Variants in IFT122 observed in about 807,000 individuals in gnomAD.
IFT122 encodes the protein intraflagellar transport protein 122 homolog.
Under a neutral mutation model 161.6 loss-of-function variants are expected in IFT122, and 118 were observed. The ratio of observed to expected loss-of-function variants is 0.73; its 90% confidence interval spans 0.63 to 0.85. The LOEUF (loss-of-function observed/expected upper bound fraction) is 0.85, where lower values mean the gene tolerates loss of function less well. Ranked by LOEUF, IFT122 falls within the 40% of genes least tolerant of loss-of-function variation. The pLI is 0.00. For missense variants in IFT122, 1,381 were observed against 1,579.6 expected, an observed-to-expected ratio of 0.87 and a Z score of 2.13; for synonymous variants, 550 against 602.4, an observed-to-expected ratio of 0.91 and a Z score of 1.27.
At chr3:129,519,791 AATGT>A in intron 29 of IFT122, 59 bp downstream of exon 29, 1 of 1,600,146 alleles carries the variant, frequency 6.2e-7, no homozygotes, top group South Asian at 1.1e-5. Context: ...CCCTTGCCCA[AATGT>A]CCCTCTGGGA....
At chr3:129,512,473 A>G in intron 24 of IFT122, 61 bp downstream of exon 24, 1 of 1,198,854 alleles carries the variant, frequency 8.3e-7, no homozygotes, top group South Asian at 1.2e-5. Flanking sequence ...GCCCCAAGAA[A>G]TTCCTTCCAG....
intron 23 of IFT122, among the ~76,000 whole-genome samples, chr3:129,508,621 C>T (rs536292111): frequency 1.3e-5 from 2 of 152,314 alleles, no homozygotes; most frequent in African/African-American, 2.4e-5. Context: ...TTATGATCAA[C>T]ACATTTTTGC....
intron 26 of IFT122, among the ~76,000 whole-genome samples, chr3:129,515,982 A>G (rs945631475): frequency 1.3e-5 from 2 of 152,058 alleles, no homozygotes; most frequent in African/African-American, 4.8e-5. Flanking sequence ...CAGAGGCCAC[A>G]CACACACACA....
chr3:129,453,372 G>A lies in IFT122; in HGVS notation c.193+1374G>A, dbSNP rs116262080. Among the ~76,000 whole-genome samples, 1,066 of 152,178 alleles carry A rather than the reference G, an allele frequency of 7.0e-3. 4 individuals are homozygous for A. The highest frequency in any genetic ancestry group is 0.014 in the Middle Eastern group (4 of 294). ...GGTTTCAGAGAGTTGAAGAGAAAGG[G>A]AAAAAGTGTAAAGTCACTGCCTCAG... On this transcript the variant is annotated intron_variant, in intron 3 of 29. Transcript: ENST00000348417.
In IFT122 at chr3:129,500,002, T is replaced by A. The variant is rs138715299; in HGVS notation, c.2309T>A (p.Met770Lys). 2.5e-6 allele frequency: 4 copies of A among 1,614,064 alleles called. No individual in the cohort carries two copies. Among genetic ancestry groups the A allele is most frequent in the Non-Finnish European group, 3.4e-6 (4 of 1,180,046 alleles). The part of the protein sequence containing the change: ...NIKEPKAAVE[M>K]YISAGEHVKA... ...AAGGAGCCCAAAGCCGCCGTGGAGA[T>A]GTACATCTCAGCAGGAGAGCACGTC... The change falls in exon 19 of 30, where the codon ATG becomes AAG. Residue 770 changes from methionine (M) to lysine (K), a missense_variant. Around this residue, in one of 7 missense-constraint regions of IFT122, gnomAD observed 496 missense variants for 502.5 expected, o/e 0.99. Transcript: ENST00000348417.
At chr3:129,478,663 G>A (rs1446912047) in intron 12 of IFT122, among the ~76,000 whole-genome samples, 3 of 152,112 alleles carry the variant, frequency 2.0e-5, no homozygotes, top group Non-Finnish European at 4.4e-5. Context: ...GCTAAGGCGG[G>A]AGGAATGCTT....
Position 129,453,021 on chromosome 3 carries a change from C to A in IFT122, c.193+1023C>A, listed in dbSNP as rs28442882. Among the ~76,000 whole-genome samples, 9 of 152,186 alleles carry A rather than the reference C, an allele frequency of 5.9e-5. No homozygotes were observed. The Middle Eastern group carries it at 0.01, about 174-fold the overall frequency. Reference sequence around the variant, plus strand: ...GACTGAAAGGTTGGAGTTGCCCCCCCCACTGAGATGGAAAAGACTGCAGGT... The same window carrying A: ...GACTGAAAGGTTGGAGTTGCCCCCCACACTGAGATGGAAAAGACTGCAGGT... On this transcript the variant is annotated intron_variant, in intron 3 of 29. Coordinates refer to ENST00000348417, the MANE Select transcript of IFT122 (RefSeq NM_052989.3).
Position 129,504,314 on chromosome 3 carries a change from C to T in IFT122, c.2548-5C>T. On this transcript the variant is annotated splice_region_variant and splice_polypyrimidine_tract_variant and intron_variant, in intron 20 of 29. Coordinates refer to ENST00000348417, the MANE Select transcript of IFT122 (RefSeq NM_052989.3). Reference sequence around the variant, plus strand: ...TATTAAGACTTCATTTGCTCCTTCCCCCAGGCCTTTGCTTTGGGTGAGAAG... The same window carrying T: ...TATTAAGACTTCATTTGCTCCTTCCTCCAGGCCTTTGCTTTGGGTGAGAAG... The T allele has an allele frequency of 1.2e-6, 2 of 1,612,146 alleles. No individual in the cohort carries two copies. Among genetic ancestry groups the T allele is most frequent in the Non-Finnish European group, 1.7e-6 (2 of 1,178,418 alleles).
rs750632049 is a variant in IFT122 at position 129,483,604 on chromosome 3, G to C, written c.1773G>C (p.Gln591His). Residue 591 changes from glutamine to histidine, a missense_variant, in exon 15 of 30, where the codon CAG becomes CAC. Coordinates refer to ENST00000348417, the MANE Select transcript of IFT122 (RefSeq NM_052989.3). ...STFPVHRQKL[Q>H]GFVVGYNGSK... ...TCCCTGTGCACCGGCAGAAGCTGCA[G>C]GGCTTTGTGGTCGGCTACAATGGCT... The C allele has an allele frequency of 5.0e-6, 8 of 1,613,926 alleles. No individual in the cohort carries two copies. Among genetic ancestry groups the C allele is most frequent in the Non-Finnish European group, 6.8e-6 (8 of 1,179,980 alleles).
Position 129,466,799 on chromosome 3 carries a change from G to C in IFT122, c.564-91G>C. On this transcript the variant is annotated intron_variant, in intron 7 of 29. Transcript: ENST00000348417. ...ATTACAGGCGTGAGTCACTGCACCTGGCCCCCAGGGGCTCCTTGCCAGGAT... is the reference window on the plus strand; with the variant it reads ...ATTACAGGCGTGAGTCACTGCACCTCGCCCCCAGGGGCTCCTTGCCAGGAT... 7 of 1,271,694 alleles carry C rather than the reference G, an allele frequency of 5.5e-6. No homozygotes were observed. The South Asian group carries it at 8.4e-5, about 15-fold the overall frequency. The allele number at this position is 1,271,694 out of a possible 1,614,324, so 78.8% of individuals were successfully genotyped here.
At chr3:129,505,528 A>G (rs2082104496) in intron 21 of IFT122, among the ~76,000 whole-genome samples, 3 of 152,228 alleles carry the variant, frequency 2.0e-5, no homozygotes. Flanking sequence ...CTGCCCTTCC[A>G]AGAATCCATC....
intron 12 of IFT122, among the ~76,000 whole-genome samples, chr3:129,478,686 T>A (rs1273203993): frequency 6.6e-6 from 1 of 152,118 alleles, no homozygotes; most frequent in Non-Finnish European, 1.5e-5. Flanking sequence ...ACCCAGGAGT[T>A]TGAGACCTGT....
intron 7 of IFT122, among the ~76,000 whole-genome samples, chr3:129,464,992 A>G (rs1042940478): frequency 6.6e-6 from 1 of 152,120 alleles, no homozygotes; most frequent in Admixed American, 6.5e-5. Context: ...AGTTGAGTTT[A>G]GGAATGAATC....
chr3:129,519,654 G>A lies in IFT122; in HGVS notation c.3558G>A (p.Trp1186Ter). 2 of 1,613,606 alleles carry A rather than the reference G, an allele frequency of 1.2e-6. No homozygotes were observed. Among genetic ancestry groups the A allele is most frequent in the East Asian group, 4.5e-5 (2 of 44,870 alleles). ...MSRRDVLIKR[W>*]PPPLRWQYFR... ...GCCGGGATGTCCTCATCAAGCGATG[G>A]CCCCCACCCCTGAGGTGGCAATACT... The change falls in exon 29 of 30, where the codon TGG (tryptophan) becomes TGA (stop). Residue 1186 changes from tryptophan to a stop codon, truncating the protein, a stop_gained. Coordinates refer to ENST00000348417, the MANE Select transcript of IFT122 (RefSeq NM_052989.3). LOFTEE classifies it high-confidence loss of function.
intron 26 of IFT122, among the ~76,000 whole-genome samples, chr3:129,516,399 CACAT>C (rs1300179554): frequency 6.9e-6 from 1 of 144,224 alleles, no homozygotes; most frequent in Non-Finnish European, 1.5e-5. Context: ...CTCCTGCACA[CACAT>C]ACAGAGACTG....
At chr3:129,445,791 A>G (rs1393010463) in intron 1 of IFT122, among the ~76,000 whole-genome samples, 1 of 152,234 alleles carries the variant, frequency 6.6e-6, no homozygotes, top group Non-Finnish European at 1.5e-5. Flanking sequence ...TCACAGAATT[A>G]TTGTGGAGAT....
At chr3:129,470,246 A>T (rs1292191315) in intron 9 of IFT122, among the ~76,000 whole-genome samples, 2 of 151,492 alleles carry the variant, frequency 1.3e-5, no homozygotes, top group Non-Finnish European at 2.9e-5. Flanking sequence ...TTTTTTATTT[A>T]TTTATTTATT....
Position 129,514,409 on chromosome 3 carries a change from C to G in IFT122, c.3008C>G (p.Ala1003Gly). 6.2e-7 allele frequency: 1 copy of G among 1,614,128 alleles called. No homozygotes were observed. The highest frequency in any genetic ancestry group is 8.5e-7 in the Non-Finnish European group (1 of 1,180,004). ...GGCAGGAAAATACTCTTCACCTTGG[C>G]CAAGCAGAGCAAGGCCCTCGGTGCC... ...ISKVKILFTL[A>G]KQSKALGAYR... Residue 1003 changes from alanine (A) to glycine (G), a missense_variant, in exon 25 of 30, where the codon GCC becomes GGC. Around this residue, in one of 7 missense-constraint regions of IFT122, gnomAD observed 496 missense variants for 502.5 expected, o/e 0.99. Transcript: ENST00000348417.
At chr3:129,456,019 A>G (rs2075434770) in intron 3 of IFT122, 1 of 422,522 alleles carries the variant, frequency 2.4e-6, no homozygotes, top group African/African-American at 2.0e-5. Flanking sequence ...CATGTTGTTC[A>G]GGGGTCAACT....
Sources: gnomAD v4.1 joint callset for allele counts (sites outside exome capture counted in the v4.1 genomes callset) on GRCh38, gnomAD v4.1.1 for gene constraint, gnomAD v4.1.1 regional missense constraint, MANE v1.5 for transcripts, NCBI Gene and HGNC (gene_info 2026-07-23, HGNC 2026-07-21) for gene names.